TOMT: variants seen among roughly 807,000 people sequenced by gnomAD.
TOMT encodes the protein transmembrane O-methyltransferase.
Under a neutral mutation model 21.7 loss-of-function variants are expected in TOMT, and 23 were observed. The observed-to-expected ratio is 1.06, with a 90% CI of 0.76 to 1.50. TOMT has a LOEUF of 1.50. TOMT is among the 40% of genes most tolerant of loss of function. The pLI, the probability that TOMT is intolerant of heterozygous loss-of-function variation, is 0.00. For missense variants in TOMT, 331 were observed against 348.7 expected (o/e 0.95, Z 0.41); for synonymous variants, 132 against 150.8 (o/e 0.88, Z 0.91).
intron 2 of TOMT, among the ~76,000 whole-genome samples, 165 bp from the exon 3 acceptor site, chr11:72,108,440 A>G (rs1945950302): frequency 6.6e-6 from 1 of 152,238 alleles, no homozygotes; most frequent in Admixed American, 6.5e-5. Flanking sequence ...AATGGAAATC[A>G]CAATACTGAT....
Position 72,108,023 on chromosome 11 carries a change from G to GC in TOMT, c.365dup (p.Gly123TrpfsTer18), listed in dbSNP as rs1484533785. ...CTACCCTGCTTATTGCCCGAGCCCT[G>GC]CCCCCTGGGGGTCGCCTTCTTACTG... On this transcript the variant is annotated frameshift_variant, in exon 2 of 3. Transcript: ENST00000541899. LOFTEE classifies it high-confidence loss of function. 6.4e-7 allele frequency: 1 copy of GC among 1,551,500 alleles called. No individual in the cohort carries two copies. The highest frequency in any genetic ancestry group is 1.4e-5 in the African/African-American group (1 of 73,022).
At chr11:72,106,341 C>T in intron 1 of TOMT, 131 bp downstream of exon 1, 2 of 998,794 alleles carry the variant, frequency 2.0e-6, no homozygotes, top group Non-Finnish European at 2.7e-6. Context: ...TTTTTTTTCT[C>T]ATCTGGAAAT....
chr11:72,108,738 C>G (rs1270179037), exon 3 of TOMT: 15 of 1,550,292 alleles, frequency 9.7e-6, no homozygotes, highest in African/African-American at 2.7e-5. Flanking sequence ...CTGCTGGAGG[C>G]CCATGCCCTA....
chr11:72,109,406 G>C (rs1946115895), downstream of TOMT: 1 of 457,444 alleles, frequency 2.2e-6, no homozygotes. Flanking sequence ...GATGCAAGCT[G>C]GGCCAGAGAA....
exon 2 of TOMT, chr11:72,108,068 G>T (rs772573727): frequency 6.5e-7 from 1 of 1,542,036 alleles, no homozygotes. Context: ...ACCCACGCAC[G>T]GCAGCAGTGG....
At chr11:72,109,466 A>G (rs1946124924), downstream of TOMT, 2 of 396,274 alleles carry the variant, frequency 5.0e-6, no homozygotes, top group South Asian at 3.7e-5. Context: ...GGCCTTCCCT[A>G]ACTCTGGCCC....
chr11:72,108,531 C>G (rs919030245), intron 2 of TOMT, 74 bp from the exon 3 acceptor site: 15 of 1,349,842 alleles, frequency 1.1e-5, no homozygotes, highest in African/African-American at 1.5e-5. Flanking sequence ...ATGAAGTAAG[C>G]CAGATCCTGG....
chr11:72,108,182 T>C (rs1945907262), intron 2 of TOMT, 63 bp downstream of exon 2: 1 of 1,390,292 alleles, frequency 7.2e-7, no homozygotes, highest in Non-Finnish European at 9.5e-7. Context: ...CAGACATCCC[T>C]TGTGAAGGAC....
chr11:72,107,914 C>G lies in TOMT; in HGVS notation c.260-9C>G, dbSNP rs1366008299. The G allele has an allele frequency of 6.4e-7, 1 of 1,551,674 alleles. No individual in the cohort carries two copies. The highest frequency in any genetic ancestry group is 2.4e-5 in the East Asian group (1 of 40,920). On this transcript the variant is annotated splice_polypyrimidine_tract_variant and intron_variant, in intron 1 of 2. Coordinates refer to ENST00000541899, the Ensembl canonical transcript of TOMT. ...CCATGTCTTCTGCAACAGCCATCTC[C>G]CCTCATAGGTCAGATCCTGATGCGG... is the stretch of plus-strand genomic sequence containing the variant.
chr11:72,107,182 G>A, intron 1 of TOMT: 2 of 480,430 alleles, frequency 4.2e-6, no homozygotes, highest in East Asian at 3.6e-5. Flanking sequence ...TGGGAGGATT[G>A]CCTGAGCCTG....
At chr11:72,106,200 G>A (rs1237928582) in exon 1 of TOMT, 1 of 1,496,790 alleles carries the variant, frequency 6.7e-7, no homozygotes, top group Non-Finnish European at 8.9e-7. Flanking sequence ...GCCACATGGG[G>A]CCTGTCAAAG....
chr11:72,108,960 C>A (rs762334109), exon 3 of TOMT: 3 of 1,411,192 alleles, frequency 2.1e-6, no homozygotes, highest in South Asian at 1.4e-5. Flanking sequence ...GATGCCCACC[C>A]CCACCCCCAC....
exon 1 of TOMT, chr11:72,105,996 A>G: frequency 6.4e-7 from 1 of 1,550,712 alleles, no homozygotes; most frequent in Non-Finnish European, 8.7e-7. Context: ...TGGTGGTAAC[A>G]TTGCTGGTGC....
chr11:72,107,870 G>A (rs999526545), intron 1 of TOMT, 53 bp from the exon 2 acceptor site: 2 of 1,540,392 alleles, frequency 1.3e-6, no homozygotes. Flanking sequence ...TCTTTTATCA[G>A]GGGCCCTGCA....
At position 72,107,766 on chromosome 11, in the gene TOMT, G is replaced by A. The variant is rs1945833112; in HGVS notation, c.260-157G>A. ...GTGTGAAGACTACACTGTAGGAGAC[G>A]GGGACCAGGAGGGCAGCTGGGGCTA... is the stretch of plus-strand genomic sequence containing the variant. On this transcript the variant is annotated intron_variant, in intron 1 of 2. Coordinates refer to ENST00000541899, the Ensembl canonical transcript of TOMT. 2.0e-5 allele frequency among the ~76,000 whole-genome samples: 3 copies of A among 152,180 alleles called. No individual in the cohort carries two copies. In the South Asian group the frequency reaches 6.2e-4, roughly 31 times the overall value.
At chr11:72,108,515 C>T (rs1945959255) in intron 2 of TOMT, 90 bp from the exon 3 acceptor site, 12 of 1,174,218 alleles carry the variant, frequency 1.0e-5, no homozygotes, top group Admixed American at 9.1e-5. Flanking sequence ...TAAGCCAGGA[C>T]CTGGCATGAA....
rs1565329875 is a variant in TOMT at position 72,106,093 on chromosome 11, CG to C, written c.145del (p.Ala49ProfsTer31). The C allele has an allele frequency of 6.5e-7, 1 of 1,549,488 alleles. No homozygotes were observed. The highest frequency in any genetic ancestry group is 2.4e-5 in the East Asian group (1 of 40,920). On this transcript the variant is annotated frameshift_variant, in exon 1 of 3. Coordinates refer to ENST00000541899, the Ensembl canonical transcript of TOMT. LOFTEE classifies it high-confidence loss of function. ...CCTGTCAGGGCTGCGGATCGAGGAG[CG>C]GGCCTTCAGCTACGTGCTCACCCAT...
chr11:72,109,424 C>A, downstream of TOMT: 1 of 452,308 alleles, frequency 2.2e-6, no homozygotes, highest in Non-Finnish European at 4.4e-6. Context: ...GAAAATGGCA[C>A]AGAACCCTGG....
At chr11:72,108,967 C>T (rs1946039824) in exon 3 of TOMT, 1 of 1,446,642 alleles carries the variant, frequency 6.9e-7, no homozygotes, top group African/African-American at 1.4e-5. Context: ...ACCCCCACCC[C>T]CACCCAAGCA....
Sources: gnomAD v4.1 joint callset for allele counts (sites outside exome capture counted in the v4.1 genomes callset) on GRCh38, gnomAD v4.1.1 for gene constraint, MANE v1.5 for transcripts, NCBI Gene and HGNC (gene_info 2026-07-23, HGNC 2026-07-21) for gene names.